UNC79: variants seen among roughly 807,000 people sequenced by gnomAD.
UNC79 encodes the protein unc-79 subunit of NALCN channel complex, also known as protein unc-79 homolog.
A neutral mutation model predicts 283.1 loss-of-function variants in UNC79; 37 were observed. The ratio of observed to expected loss-of-function variants is 0.13; its 90% CI spans 0.10 to 0.17. UNC79 has a LOEUF of 0.17. UNC79 is among the 10% of genes least tolerant of loss of function. The pLI is 1.00. For missense variants in UNC79, 2,272 were observed against 3,211.1 expected, an observed-to-expected ratio of 0.71 and a Z score of 7.07; for synonymous variants, 1,107 against 1,200.2, an observed-to-expected ratio of 0.92 and a Z score of 1.61.
intron 1 of UNC79, among the ~76,000 whole-genome samples, chr14:93,386,218 A>G (rs951760598): frequency 2.0e-5 from 3 of 152,156 alleles, no homozygotes; most frequent in African/African-American, 4.8e-5. Context: ...TTAAGCATCA[A>G]TTGAAATGAT....
intron 46 of UNC79, among the ~76,000 whole-genome samples, chr14:93,693,134 A>G (rs189704962): frequency 6.6e-6 from 1 of 152,250 alleles, no homozygotes; most frequent in Non-Finnish European, 1.5e-5. Context: ...GATGCAAATG[A>G]TACAGGCAAT....
At chr14:93,480,646 A>T (rs2140390298) in intron 4 of UNC79, among the ~76,000 whole-genome samples, 1 of 152,354 alleles carries the variant, frequency 6.6e-6, no homozygotes, top group African/African-American at 2.4e-5. Context: ...TCATGAGTAT[A>T]CAAAGACATA....
intron 1 of UNC79, among the ~76,000 whole-genome samples, chr14:93,392,969 T>C (rs1013065252): frequency 1.3e-5 from 2 of 152,136 alleles, no homozygotes; most frequent in Non-Finnish European, 2.9e-5. Context: ...TTAAAAATTG[T>C]TTGTTTGGGT....
At chr14:93,585,138 G>A (rs968124081) in intron 20 of UNC79, among the ~76,000 whole-genome samples, 2 of 152,078 alleles carry the variant, frequency 1.3e-5, no homozygotes, top group South Asian at 2.1e-4. Context: ...CAGACTCTCC[G>A]CTGTCTTGCA....
At chr14:93,536,669 A>G (rs1024480722) in intron 11 of UNC79, among the ~76,000 whole-genome samples, 1 of 151,624 alleles carries the variant, frequency 6.6e-6, no homozygotes, top group Non-Finnish European at 1.5e-5. Flanking sequence ...TATGCTCTCT[A>G]TGAGGCTCCT....
chr14:93,497,336 A>G (rs747409479), intron 7 of UNC79, 50 bp downstream of exon 7: 1 of 1,585,060 alleles, frequency 6.3e-7, no homozygotes, highest in South Asian at 1.1e-5. Flanking sequence ...CTCCTGTGCC[A>G]CACTGGCCTC....
At chr14:93,370,546 G>A (rs537947601) in intron 1 of UNC79, among the ~76,000 whole-genome samples, 4 of 152,356 alleles carry the variant, frequency 2.6e-5, no homozygotes, top group South Asian at 2.1e-4. Flanking sequence ...GCCAAGGTGG[G>A]CAGATCACGA....
At chr14:93,520,195 T>C (rs1049655183) in intron 7 of UNC79, among the ~76,000 whole-genome samples, 3 of 151,954 alleles carry the variant, frequency 2.0e-5, no homozygotes, top group African/African-American at 7.2e-5. Flanking sequence ...GGTTGACAGT[T>C]TTTTTCTTTC....
intron 7 of UNC79, among the ~76,000 whole-genome samples, chr14:93,503,573 G>T (rs2059396557): frequency 6.6e-6 from 1 of 151,924 alleles, no homozygotes. Context: ...TATTTGTTTT[G>T]ATGGTTTTAA....
chr14:93,348,166 G>A (rs769623662), intron 1 of UNC79: 16 of 1,217,796 alleles, frequency 1.3e-5, no homozygotes, highest in Non-Finnish European at 1.9e-5. Flanking sequence ...AAAACTTTCA[G>A]AAAAAGCTGT....
exon 30 of UNC79, chr14:93,622,199 G>A: frequency 6.2e-7 from 1 of 1,614,160 alleles, no homozygotes; most frequent in Non-Finnish European, 8.5e-7. Context: ...GAACCAAGGC[G>A]ATGACGGCCC....
At chr14:93,542,423 GA>G (rs1164738381) in intron 13 of UNC79, 42 bp from the exon 14 acceptor site, 2 of 1,562,880 alleles carry the variant, frequency 1.3e-6, no homozygotes, top group African/African-American at 1.4e-5. Context: ...ATTTTGTAAA[GA>G]TGGATGGAAG....
intron 1 of UNC79, among the ~76,000 whole-genome samples, chr14:93,400,406 C>T (rs945666794): frequency 7.9e-5 from 12 of 151,278 alleles, no homozygotes; most frequent in South Asian, 2.1e-4. Flanking sequence ...CCCCCATCCC[C>T]GAAGAGCTGA....
chr14:93,538,559 TA>T (rs2061200574), intron 12 of UNC79, among the ~76,000 whole-genome samples: 2 of 152,024 alleles, frequency 1.3e-5, no homozygotes, highest in Admixed American at 1.3e-4. Flanking sequence ...GAAAGGGCGT[TA>T]GGGGAACTAG....
intron 14 of UNC79, among the ~76,000 whole-genome samples, chr14:93,555,701 G>C (rs1297307861): frequency 6.6e-6 from 1 of 152,120 alleles, no homozygotes; most frequent in African/African-American, 2.4e-5. Flanking sequence ...ACCACACCTG[G>C]CCAAGATTTC....
chr14:93,436,484 G>T (rs1595476137), intron 1 of UNC79, among the ~76,000 whole-genome samples: 1 of 146,976 alleles, frequency 6.8e-6, no homozygotes, highest in Non-Finnish European at 1.5e-5. Flanking sequence ...ACAGCCAACT[G>T]TTTTTTTTTT....
rs139259556 is a variant in UNC79, at chr14:93,550,311, GA to G, written c.1755+7617del. Among the ~76,000 whole-genome samples the G allele has an allele frequency of 9.3e-3, 1,406 of 151,976 alleles. 19 individuals are homozygous for G. Among genetic ancestry groups the G allele is most frequent in the African/African-American group, 0.032 (1,341 of 41,452 alleles). On this transcript the variant is annotated intron_variant, in intron 14 of 48. Coordinates refer to ENST00000555664, the Ensembl canonical transcript of UNC79. ...AAGTCTCTGTGAGAGAGGAAAGAGG[GA>G]AGTTCTAGCCTGGCCAACATGGTGA...
intron 1 of UNC79, among the ~76,000 whole-genome samples, chr14:93,457,837 C>CAGATT (rs2056838771): frequency 2.0e-5 from 3 of 152,092 alleles, no homozygotes; most frequent in Non-Finnish European, 4.4e-5. Flanking sequence ...AGAGGGTAGA[C>CAGATT]CCTGGAGTTG....
chr14:93,681,825 C>G (rs1413651395), intron 41 of UNC79, among the ~76,000 whole-genome samples: 1 of 152,180 alleles, frequency 6.6e-6, no homozygotes, highest in African/African-American at 2.4e-5. Context: ...AAACACCTGT[C>G]AAAATCTGTA....
Sources: allele counts gnomAD v4.1 joint callset (sites outside exome capture counted in the v4.1 genomes callset), GRCh38; gene constraint gnomAD v4.1.1; transcripts MANE v1.5; gene names NCBI Gene and HGNC (gene_info 2026-07-23, HGNC 2026-07-21).